The following DOCK8 variants were observed in gnomAD, a reference collection of about 807,000 sequenced individuals.
DOCK8 encodes dedicator of cytokinesis 8, also known as dedicator of cytokinesis protein 8.
Under a neutral mutation model 245.6 loss-of-function variants are expected in DOCK8, and 141 were observed. The ratio of observed to expected loss-of-function variants is 0.57; its 90% CI spans 0.50 to 0.66. The LOEUF is 0.66. Ranked by LOEUF, DOCK8 falls within the 30% of genes least tolerant of loss-of-function variation. The pLI, the probability that DOCK8 is intolerant of heterozygous loss-of-function variation, is 0.00. For missense variants in DOCK8, 2,965 were observed against 2,603.4 expected (o/e 1.14, Z -3.02); for synonymous variants, 1,168 against 970.2 (o/e 1.20, Z -3.79).
intron 1 of DOCK8, among the ~76,000 whole-genome samples, chr9:230,333 C>T (rs1420596277): frequency 6.6e-6 from 1 of 152,052 alleles, no homozygotes; most frequent in African/African-American, 2.4e-5. Flanking sequence ...CAAGTCTTTG[C>T]TATTGTGAAT....
At chr9:232,152 A>G (rs2047132049) in intron 1 of DOCK8, among the ~76,000 whole-genome samples, 1 of 152,160 alleles carries the variant, frequency 6.6e-6, no homozygotes, top group African/African-American at 2.4e-5. Flanking sequence ...TATTGAGATA[A>G]TCATGTGGTT....
intron 1 of DOCK8, among the ~76,000 whole-genome samples, chr9:231,244 C>G (rs2047109981): frequency 6.6e-6 from 1 of 152,126 alleles, no homozygotes; most frequent in Non-Finnish European, 1.5e-5. Flanking sequence ...GGGCTCTGTT[C>G]TGTTCCATTG....
chr9:233,184 A>G (rs1256710443), intron 1 of DOCK8, among the ~76,000 whole-genome samples: 1 of 152,134 alleles, frequency 6.6e-6, no homozygotes, highest in African/African-American at 2.4e-5. Flanking sequence ...CAGGTTGTTC[A>G]GTTTCCATGT....
intron 24 of DOCK8, among the ~76,000 whole-genome samples, chr9:394,710 G>C (rs2054365111): frequency 6.6e-6 from 1 of 152,176 alleles, no homozygotes; most frequent in Non-Finnish European, 1.5e-5. Context: ...CACATTAAGG[G>C]GTTCTTTAGA....
At chr9:382,491 G>A (rs374258307) in intron 21 of DOCK8, 22 bp from the exon 22 acceptor site, 42 of 1,613,040 alleles carry the variant, frequency 2.6e-5, no homozygotes, top group Admixed American at 8.3e-5. Flanking sequence ...CTGTTGACAT[G>A]TCTCTGCCTG....
At chr9:394,485 C>T (rs2054351280) in intron 24 of DOCK8, among the ~76,000 whole-genome samples, 1 of 152,190 alleles carries the variant, frequency 6.6e-6, no homozygotes. Flanking sequence ...TGGCCTTAGC[C>T]AACAACCTGG....
rs1274856465 is a variant in DOCK8 at position 379,913 on chromosome 9, G to A, written c.2583G>A (p.Val861=). The change falls in exon 21 of 48, where the codon GTG becomes GTA. Residue 861 remains valine (V), a synonymous_variant. Coordinates refer to ENST00000432829, the MANE Select transcript of DOCK8 (RefSeq NM_203447.4). Reference sequence around the variant, plus strand: ...ACTACGTCTTCCGCCTGCCAGAGGTGCAAAGGGATGTGCCCAAGTCAGGTA... The same window carrying A: ...ACTACGTCTTCCGCCTGCCAGAGGTACAAAGGGATGTGCCCAAGTCAGGTA... ...YVHYVFRLPE[V]QRDVPKSGAP... 6.2e-7 allele frequency: 1 copy of A among 1,614,052 alleles called. No homozygotes were observed. Among genetic ancestry groups the A allele is most frequent in the South Asian group, 1.1e-5 (1 of 91,066 alleles).
At chr9:313,227 G>A (rs1424761450) in intron 6 of DOCK8, among the ~76,000 whole-genome samples, 1 of 152,184 alleles carries the variant, frequency 6.6e-6, no homozygotes, top group African/African-American at 2.4e-5. Context: ...GATCTAAAGG[G>A]CAATTAGCCT....
chr9:271,619 A>G lies in DOCK8; in HGVS notation c.54-8A>G, dbSNP rs1386334600. On this transcript the variant is annotated splice_region_variant and splice_polypyrimidine_tract_variant and intron_variant, in intron 1 of 47. Transcript: ENST00000432829. ...CATTTCATTTAGATTTTTCTATTTT[A>G]ATCCAAGGTATTCTTCAGCGGAAAT... 5 of 1,525,746 alleles carry G rather than the reference A, an allele frequency of 3.3e-6. No homozygotes were observed. Among genetic ancestry groups the G allele is most frequent in the African/African-American group, 2.8e-5 (2 of 72,542 alleles). The allele number at this position is 1,525,746 out of a possible 1,614,324, so 94.5% of individuals were successfully genotyped here. A position where few individuals can be genotyped will look rare whatever the true frequency, so the allele number is the denominator to read the frequency against.
chr9:226,741 A>T (rs75257959), intron 1 of DOCK8, among the ~76,000 whole-genome samples: 1 of 152,340 alleles, frequency 6.6e-6, no homozygotes, highest in Non-Finnish European at 1.5e-5. Context: ...AACTGGGGAC[A>T]TATGGAGTCT....
intron 5 of DOCK8, among the ~76,000 whole-genome samples, chr9:308,690 CTCTG>C (rs2049958966): frequency 1.3e-5 from 2 of 152,170 alleles, no homozygotes; most frequent in Non-Finnish European, 2.9e-5. Context: ...CAGAGTCTTG[CTCTG>C]TCGCCTAGGC....
intron 14 of DOCK8, among the ~76,000 whole-genome samples, chr9:351,142 G>C (rs913212711): frequency 6.6e-6 from 1 of 152,146 alleles, no homozygotes; most frequent in Non-Finnish European, 1.5e-5. Flanking sequence ...TGGTAGGGTC[G>C]GGGTTCCACC....
intron 3 of DOCK8, among the ~76,000 whole-genome samples, chr9:288,357 A>T (rs1055203231): frequency 6.6e-6 from 1 of 152,186 alleles, no homozygotes; most frequent in African/African-American, 2.4e-5. Context: ...GCTACAGGTG[A>T]GCTGCCTGGA....
intron 37 of DOCK8, among the ~76,000 whole-genome samples, chr9:433,123 C>T (rs767239040): frequency 6.6e-6 from 1 of 152,238 alleles, no homozygotes; most frequent in African/African-American, 2.4e-5. Context: ...TACATCAAAT[C>T]GTTCCTCTCT....
At chr9:245,808 A>G (rs2047492759) in intron 1 of DOCK8, among the ~76,000 whole-genome samples, 1 of 152,240 alleles carries the variant, frequency 6.6e-6, no homozygotes, top group Non-Finnish European at 1.5e-5. Context: ...GATGCAAACC[A>G]AGAACTTGGG....
At chr9:263,221 A>G (rs1261806298) in intron 1 of DOCK8, among the ~76,000 whole-genome samples, 2 of 151,676 alleles carry the variant, frequency 1.3e-5, no homozygotes, top group Admixed American at 1.3e-4. Context: ...GGAAAAAAAA[A>G]AAACCTGATA....
intron 44 of DOCK8, among the ~76,000 whole-genome samples, chr9:447,555 C>T (rs754415130): frequency 1.2e-4 from 19 of 152,106 alleles, no homozygotes; most frequent in Non-Finnish European, 2.5e-4. Context: ...CCTAATATGA[C>T]AGGAATTTTT....
chr9:241,465 A>G (rs1257960202), intron 1 of DOCK8, among the ~76,000 whole-genome samples: 1 of 152,052 alleles, frequency 6.6e-6, no homozygotes, highest in East Asian at 1.9e-4. Context: ...TCTGCATGTG[A>G]GTGAGAATGT....
intron 4 of DOCK8, among the ~76,000 whole-genome samples, chr9:297,547 G>A (rs1439175522): frequency 6.6e-6 from 1 of 152,106 alleles, no homozygotes; most frequent in Non-Finnish European, 1.5e-5. Flanking sequence ...CTGCATCTAG[G>A]TGCAACAGGA....
Sources: allele counts gnomAD v4.1 joint callset (sites outside exome capture counted in the v4.1 genomes callset), GRCh38; gene constraint gnomAD v4.1.1; transcripts MANE v1.5; gene names NCBI Gene and HGNC (gene_info 2026-07-23, HGNC 2026-07-21).